Variants in ITSN2 observed in about 807,000 individuals in gnomAD.
ITSN2 encodes intersectin-2.
A neutral mutation model predicts 243.7 loss-of-function variants in ITSN2; 156 were observed. That is an observed-to-expected ratio of 0.64 (90% CI 0.56 to 0.73). The LOEUF is 0.73. ITSN2 is among the 30% of genes least tolerant of loss of function. ITSN2 has a pLI of 0.00. For missense variants in ITSN2, 1,801 were observed against 1,996.1 expected (o/e 0.90, Z 1.86); for synonymous variants, 703 against 699.9 (o/e 1.00, Z -0.07).
intron 1 of ITSN2, among the ~76,000 whole-genome samples, chr2:24,344,479 T>C (rs1051804815): frequency 6.6e-6 from 1 of 152,216 alleles, no homozygotes; most frequent in African/African-American, 2.4e-5. Context: ...AAATTTTTTC[T>C]AAATTTTCAT....
chr2:24,226,064 T>G (rs1558449735), intron 29 of ITSN2, among the ~76,000 whole-genome samples: 1 of 152,238 alleles, frequency 6.6e-6, no homozygotes, highest in Non-Finnish European at 1.5e-5. Flanking sequence ...TTAATCTGTG[T>G]AGTTACGGTG....
intron 23 of ITSN2, 33 bp downstream of exon 23, chr2:24,257,855 C>T: frequency 6.7e-7 from 1 of 1,497,142 alleles, no homozygotes; most frequent in South Asian, 1.1e-5. Context: ...ATACCAACAT[C>T]CACATCTCAT....
At chr2:24,240,100 C>T (rs1028048808) in intron 29 of ITSN2, 1 of 152,030 alleles carries the variant, frequency 6.6e-6, no homozygotes, top group Non-Finnish European at 1.5e-5. Flanking sequence ...ATTAGATAAA[C>T]TCAGTTTCAG....
At chr2:24,324,348 A>T (rs560982538) in intron 2 of ITSN2, among the ~76,000 whole-genome samples, 2 of 152,264 alleles carry the variant, frequency 1.3e-5, no homozygotes, top group East Asian at 3.9e-4. Context: ...AAGACAAAAG[A>T]GAGTTCTGCT....
At chr2:24,245,991 GTTTC>G (rs1430408604) in intron 29 of ITSN2, 134 bp downstream of exon 29, 1 of 547,810 alleles carries the variant, frequency 1.8e-6, no homozygotes, top group Non-Finnish European at 3.1e-6. Context: ...GTTTCCTTTT[GTTTC>G]TTCTCACTTT....
chr2:24,301,981 C>G lies in ITSN2; in HGVS notation c.979G>C (p.Val327Leu). 1 of 1,609,496 alleles carries G rather than the reference C, an allele frequency of 6.2e-7. No homozygotes were observed. The highest frequency in any genetic ancestry group is 8.5e-7 in the Non-Finnish European group (1 of 1,177,640). The change falls in exon 10 of 40, where the codon GTT becomes CTT. Residue 327 changes from valine (V) to leucine (L), a missense_variant. Around this residue, in one of 5 missense-constraint regions of ITSN2, gnomAD observed 787 missense variants for 803.9 expected, o/e 0.98. Coordinates refer to ENST00000355123, the MANE Select transcript of ITSN2 (RefSeq NM_006277.3). ...CACACTCACCTGAAAGATGGAGGAA[C>G]AAGCTCAGGAGGTAAAGTCAGTGGT... The part of the protein sequence containing the change: ...PLPLTLPPEL[V>L]PPSFRGGKQI...
At position 24,290,953 on chromosome 2, in the gene ITSN2, C is replaced by A. The variant is rs780771125; in HGVS notation, c.1723+2735G>T. 4.9e-4 allele frequency among the ~76,000 whole-genome samples: 74 copies of A among 152,100 alleles called. 1 individual carries two copies. The highest frequency in any genetic ancestry group is 9.1e-4 in the Non-Finnish European group (62 of 68,012). On this transcript the variant is annotated intron_variant, in intron 15 of 39. Transcript: ENST00000355123. ...TTTTCAAGTTTTGCCTAATCTTGTA[C>A]AATTTATTTTCTAGATGAATTTGTC...
At chr2:24,266,364 A>G (rs553465787) in intron 20 of ITSN2, among the ~76,000 whole-genome samples, 1 of 152,338 alleles carries the variant, frequency 6.6e-6, no homozygotes, top group Non-Finnish European at 1.5e-5. Context: ...TTGATTAACA[A>G]TAGACTTAAA....
chr2:24,252,318 A>G, intron 25 of ITSN2, 27 bp downstream of exon 25: 1 of 1,522,810 alleles, frequency 6.6e-7, no homozygotes, highest in East Asian at 2.3e-5. Context: ...GATTAACCAG[A>G]ATGGGTTGAT....
At chr2:24,351,151 C>T (rs1446116704) in intron 1 of ITSN2, among the ~76,000 whole-genome samples, 1 of 152,188 alleles carries the variant, frequency 6.6e-6, no homozygotes, top group African/African-American at 2.4e-5. Flanking sequence ...CTCTTTGCAC[C>T]TGTGGAACTA....
intron 1 of ITSN2, among the ~76,000 whole-genome samples, chr2:24,351,842 G>T (rs930422584): frequency 6.6e-6 from 1 of 152,084 alleles, no homozygotes; most frequent in African/African-American, 2.4e-5. Flanking sequence ...ACTTAATAAT[G>T]ACCCCAAAGT....
intron 2 of ITSN2, among the ~76,000 whole-genome samples, chr2:24,323,284 T>G (rs558163935): frequency 1.3e-5 from 2 of 152,218 alleles, no homozygotes; most frequent in Non-Finnish European, 2.9e-5. Context: ...CTGATGGTTA[T>G]AGCAGATTTA....
chr2:24,344,385 T>C (rs111494687), intron 1 of ITSN2, among the ~76,000 whole-genome samples: 185 of 152,344 alleles, frequency 1.2e-3, no homozygotes, highest in African/African-American at 4.2e-3. Flanking sequence ...ATATTCCCAT[T>C]GGTGTGTAAA....
At chr2:24,232,033 T>C (rs1371262464) in intron 29 of ITSN2, among the ~76,000 whole-genome samples, 1 of 152,214 alleles carries the variant, frequency 6.6e-6, no homozygotes, top group African/African-American at 2.4e-5. Context: ...TGTAAAAGAA[T>C]AGCTTTTCAT....
intron 29 of ITSN2, among the ~76,000 whole-genome samples, chr2:24,243,607 T>C (rs1398520721): frequency 6.6e-6 from 1 of 152,120 alleles, no homozygotes; most frequent in Non-Finnish European, 1.5e-5. Context: ...GCTGGGACTA[T>C]AGGGATATGC....
intron 27 of ITSN2, among the ~76,000 whole-genome samples, chr2:24,248,106 A>C (rs1256058014): frequency 2.0e-5 from 3 of 152,178 alleles, no homozygotes; most frequent in African/African-American, 7.2e-5. Flanking sequence ...AAGTGAGAGA[A>C]GAACCCTTTT....
chr2:24,311,411 G>T (rs530022534), intron 5 of ITSN2, among the ~76,000 whole-genome samples: 2 of 152,186 alleles, frequency 1.3e-5, no homozygotes, highest in African/African-American at 4.8e-5. Flanking sequence ...TCACTATGTT[G>T]CCCCGACTAG....
chr2:24,234,520 A>G (rs897026735), intron 29 of ITSN2, among the ~76,000 whole-genome samples: 2 of 152,196 alleles, frequency 1.3e-5, no homozygotes, highest in Admixed American at 1.3e-4. Flanking sequence ...AAATGTAAAC[A>G]CTTTCATTCT....
intron 1 of ITSN2, among the ~76,000 whole-genome samples, chr2:24,355,963 G>A (rs1688406752): frequency 6.6e-6 from 1 of 152,180 alleles, no homozygotes; most frequent in Admixed American, 6.5e-5. Context: ...AGCACTTTGG[G>A]AGGCCGAGGC....
Sources: gnomAD v4.1 joint callset for allele counts (sites outside exome capture counted in the v4.1 genomes callset) on GRCh38, gnomAD v4.1.1 for gene constraint, gnomAD v4.1.1 regional missense constraint, MANE v1.5 for transcripts, NCBI Gene and HGNC (gene_info 2026-07-23, HGNC 2026-07-21) for gene names.